SMC6: variants seen among roughly 807,000 people sequenced by gnomAD.
SMC6 encodes structural maintenance of chromosomes 6, also known as structural maintenance of chromosomes protein 6.
Under a neutral mutation model 142.2 loss-of-function variants are expected in SMC6, and 79 were observed. That is an observed-to-expected ratio of 0.56 (90% confidence interval 0.46 to 0.67). SMC6 has a LOEUF of 0.67. Among genes scored for constraint, SMC6 ranks in the 30% least tolerant of loss-of-function variants. The probability of loss-of-function intolerance (pLI) is 0.00; values close to 1 mark genes in which losing one functional copy is unlikely to be tolerated. For missense variants in SMC6, 1,072 were observed against 1,284.0 expected (o/e 0.83, Z 2.52); for synonymous variants, 411 against 412.4 (o/e 1.00, Z 0.04).
chr2:17,683,880 C>A, intron 23 of SMC6, 117 bp from the exon 24 acceptor site: 1 of 863,588 alleles, frequency 1.2e-6, no homozygotes. Context: ...ACTAAGGGGG[C>A]CTAGTAGCAG....
chr2:17,719,285 C>T (rs563530670), intron 11 of SMC6, among the ~76,000 whole-genome samples: 1 of 152,186 alleles, frequency 6.6e-6, no homozygotes, highest in African/African-American at 2.4e-5. Flanking sequence ...TTTAAATTAA[C>T]AAAAGTTTAA....
At chr2:17,712,610 AG>A (rs1234606069) in intron 16 of SMC6, among the ~76,000 whole-genome samples, 4 of 152,222 alleles carry the variant, frequency 2.6e-5, no homozygotes, top group Admixed American at 2.6e-4. Context: ...ACCTCTGTTA[AG>A]GTTATCTAGC....
In SMC6 at chr2:17,708,619, C is replaced by T; in HGVS notation, c.1845+20G>A. On this transcript the variant is annotated intron_variant, in intron 17 of 27. Transcript: ENST00000448223. ...AATTTAACAATAACATCAAATACAGCAAAGATCTGGAGGTCTTACTTTGAT... is the reference window on the plus strand; with the variant it reads ...AATTTAACAATAACATCAAATACAGTAAAGATCTGGAGGTCTTACTTTGAT... 1 of 1,289,386 alleles carries T rather than the reference C, an allele frequency of 7.8e-7. No homozygotes were observed. The highest frequency in any genetic ancestry group is 2.6e-5 in the Admixed American group (1 of 38,258). The allele number at this position is 1,289,386 out of a possible 1,614,324, so 79.9% of individuals were successfully genotyped here. A position where few individuals can be genotyped will look rare whatever the true frequency, so the allele number is the denominator to read the frequency against.
At chr2:17,711,602 A>T (rs1410273170) in intron 16 of SMC6, among the ~76,000 whole-genome samples, 1 of 152,122 alleles carries the variant, frequency 6.6e-6, no homozygotes. Context: ...ATAGGAAAAA[A>T]ACATGATTAA....
intron 17 of SMC6, 56 bp from the exon 18 acceptor site, chr2:17,707,435 T>A: frequency 8.3e-7 from 1 of 1,197,932 alleles, no homozygotes; most frequent in Non-Finnish European, 1.1e-6. Flanking sequence ...TTTTCTGATG[T>A]ACAGAATTTC....
At chr2:17,686,141 A>G (rs1208016723) in intron 23 of SMC6, among the ~76,000 whole-genome samples, 1 of 152,126 alleles carries the variant, frequency 6.6e-6, no homozygotes, top group Non-Finnish European at 1.5e-5. Context: ...GTTGGGGAAA[A>G]AGTATCCTTT....
chr2:17,677,205 C>A (rs565011510), intron 25 of SMC6, among the ~76,000 whole-genome samples: 1 of 152,078 alleles, frequency 6.6e-6, no homozygotes, highest in Non-Finnish European at 1.5e-5. Flanking sequence ...TCCAAACGTA[C>A]AATATTTCAC....
intron 23 of SMC6, among the ~76,000 whole-genome samples, chr2:17,686,379 G>A (rs1428398544): frequency 1.3e-5 from 2 of 152,148 alleles, no homozygotes; most frequent in African/African-American, 4.8e-5. Context: ...CTTCTTGGGA[G>A]GGTGAGGCAG....
intron 18 of SMC6, among the ~76,000 whole-genome samples, chr2:17,706,440 A>C (rs1289539320): frequency 6.6e-6 from 1 of 152,080 alleles, no homozygotes. Context: ...TCATAATCAC[A>C]TAAAAATGAC....
chr2:17,703,993 C>A (rs1170536538), intron 18 of SMC6, among the ~76,000 whole-genome samples: 1 of 151,838 alleles, frequency 6.6e-6, no homozygotes, highest in Non-Finnish European at 1.5e-5. Context: ...GGGGTCAGTG[C>A]CCCTAACCTC....
chr2:17,736,613 A>C (rs944712126), intron 5 of SMC6, among the ~76,000 whole-genome samples: 1 of 151,846 alleles, frequency 6.6e-6, no homozygotes, highest in Non-Finnish European at 1.5e-5. Flanking sequence ...GGTGGCTCAC[A>C]CCTGTAATTC....
Position 17,747,008 on chromosome 2 carries a change from G to A in SMC6, c.-5-1057C>T, listed in dbSNP as rs138390643. 2.8e-3 allele frequency among the ~76,000 whole-genome samples: 419 copies of A among 152,266 alleles called. 3 individuals are homozygous for A. The highest frequency in any genetic ancestry group is 9.4e-3 in the African/African-American group (390 of 41,564). On this transcript the variant is annotated intron_variant, in intron 2 of 27. Coordinates refer to ENST00000448223, the MANE Select transcript of SMC6 (RefSeq NM_001142286.2). ...CATGCAAGCAAAATCCAAGTGGGTA[G>A]TCTGGACTTCCACCCTAGTGAGGCT...
rs771914831 is a variant in SMC6 at position 17,665,523 on chromosome 2, T to C, written c.3252A>G (p.Gln1084=). 3.1e-6 allele frequency: 5 copies of C among 1,609,678 alleles called. No individual in the cohort carries two copies. In the Admixed American group the frequency reaches 5.0e-5, roughly 16 times the overall value. The change falls in exon 28 of 28, where the codon CAA becomes CAG. Residue 1084 remains glutamine (Q), a synonymous_variant. Coordinates refer to ENST00000448223, the MANE Select transcript of SMC6 (RefSeq NM_001142286.2). ...QTTLPFRPVT[Q]EEDDDQR ...ATCACCTTTGGTCATCATCTTCTTC[T>C]TGAGTCACAGGTCTGAAAGGCAATG... is the stretch of plus-strand genomic sequence containing the variant.
At chr2:17,680,741 A>C (rs945718042) in intron 24 of SMC6, 4 of 152,196 alleles carry the variant, frequency 2.6e-5, no homozygotes, top group Admixed American at 6.5e-5. Flanking sequence ...TCAGTAATCC[A>C]TGATACTATA....
chr2:17,678,713 T>TTACA, intron 25 of SMC6, 146 bp downstream of exon 25: 1 of 587,958 alleles, frequency 1.7e-6, no homozygotes, highest in East Asian at 3.0e-5. Flanking sequence ...GAGTTCAAGG[T>TTACA]TACAGTGAGC....
At chr2:17,678,123 T>C (rs540207996) in intron 25 of SMC6, among the ~76,000 whole-genome samples, 2 of 152,240 alleles carry the variant, frequency 1.3e-5, no homozygotes, top group East Asian at 1.9e-4. Flanking sequence ...TGGCCAGATC[T>C]AGGGACAACT....
At position 17,745,866 on chromosome 2, in the gene SMC6, A is replaced by G. The variant is rs766212166; in HGVS notation, c.81T>C (p.Asp27=). The G allele has an allele frequency of 3.1e-6, 5 of 1,612,570 alleles. No individual in the cohort carries two copies. In the Admixed American group the frequency reaches 8.4e-5, roughly 27 times the overall value. ...TACATTCGTCTTCGTCACCATCTTT[A>G]TCAAAATCCTCCAATTCTTCTTGTC... is the stretch of plus-strand genomic sequence containing the variant. The part of the protein sequence containing the change: ...RPRQEELEDF[D]KDGDEDECKG... The change falls in exon 3 of 28, where the codon GAT becomes GAC. Residue 27 remains aspartate (D), a synonymous_variant. Transcript: ENST00000448223.
chr2:17,666,433 G>A lies in SMC6; in HGVS notation c.3148C>T (p.Pro1050Ser). 1 of 1,613,224 alleles carries A rather than the reference G, an allele frequency of 6.2e-7. No individual in the cohort carries two copies. Among genetic ancestry groups the A allele is most frequent in the Non-Finnish European group, 8.5e-7 (1 of 1,179,524 alleles). ...TTAAAAAGTTACCTCATGCTTTGAGGTGTGAGCAAGATAAACTGTCTAAAA... is the reference window on the plus strand; with the variant it reads ...TTAAAAAGTTACCTCATGCTTTGAGATGTGAGCAAGATAAACTGTCTAAAA... Reference protein sequence around the residue: ...QRFRQFILLTPQSMSSLPSSK... With the variant: ...QRFRQFILLTSQSMSSLPSSK... Residue 1050 changes from proline to serine, a missense_variant, in exon 27 of 28, where the codon CCT becomes TCT. By Grantham distance (74) the Pro-to-Ser change is moderately conservative. Transcript: ENST00000448223.
At chr2:17,717,512 A>T (rs535715381) in intron 12 of SMC6, among the ~76,000 whole-genome samples, 1 of 152,158 alleles carries the variant, frequency 6.6e-6, no homozygotes, top group Non-Finnish European at 1.5e-5. Context: ...TCTACTAAAA[A>T]TACGAAAAAT....
Sources: gnomAD v4.1 joint callset for allele counts (sites outside exome capture counted in the v4.1 genomes callset) on GRCh38, gnomAD v4.1.1 for gene constraint, MANE v1.5 for transcripts, NCBI Gene and HGNC (gene_info 2026-07-23, HGNC 2026-07-21) for gene names.